PDIA4: variants seen among roughly 807,000 people sequenced by gnomAD.
PDIA4 encodes protein disulfide-isomerase A4.
PDIA4 carries 33 observed loss-of-function variants against 62.1 expected under a neutral mutation model. The observed-to-expected ratio is 0.53, with a 90% CI of 0.40 to 0.71. PDIA4 has a LOEUF of 0.71. PDIA4 is among the 30% of genes least tolerant of loss of function. The pLI is 0.00. For missense variants in PDIA4, 804 were observed against 813.6 expected, an observed-to-expected ratio of 0.99 and a Z score of 0.14; for synonymous variants, 341 against 324.1, an observed-to-expected ratio of 1.05 and a Z score of -0.56.
intron 2 of PDIA4, 152 bp downstream of exon 2, chr7:149,020,815 G>A (rs1824319005): frequency 4.6e-6 from 6 of 1,299,054 alleles, no homozygotes; most frequent in South Asian, 1.6e-5. Flanking sequence ...GTGGTAGAAC[G>A]AGTGAGCTCC....
rs1196905861 is a variant in PDIA4, at chr7:149,003,889, C to A, written c.1843G>T (p.Val615Phe). 6.2e-7 allele frequency: 1 copy of A among 1,613,110 alleles called. No individual in the cohort carries two copies. Among genetic ancestry groups the A allele is most frequent in the Non-Finnish European group, 8.5e-7 (1 of 1,179,714 alleles). The change falls in exon 10 of 10, where the codon GTT becomes TTT. Residue 615 changes from valine to phenylalanine, a missense_variant. Transcript: ENST00000652332. ...FAPSGDKKNP[V>F]KFEGGDRDLE... ...TCTCTGTCTCCACCCTCAAATTTAA[C>A]TGGGTTCTTTTTGTCCCCACTGGGG...
intron 4 of PDIA4, 22 bp from the exon 5 acceptor site, chr7:149,012,382 G>C: frequency 6.3e-7 from 1 of 1,597,888 alleles, no homozygotes; most frequent in Non-Finnish European, 8.6e-7. Flanking sequence ...AAACTGGTTT[G>C]TCAGGGGCTC....
intron 2 of PDIA4, among the ~76,000 whole-genome samples, 171 bp from the exon 3 acceptor site, chr7:149,019,368 G>A (rs986091943): frequency 1.3e-5 from 2 of 152,122 alleles, no homozygotes; most frequent in Non-Finnish European, 2.9e-5. Context: ...AAGGGTTTAG[G>A]TCTTAAGGGT....
At position 149,025,100 on chromosome 7, in the gene PDIA4, A is replaced by G. The variant is rs1824506391; in HGVS notation, c.88+3221T>C. ...AAAAAAAAAAAATATATATATATAT[A>G]TATATATGTATGTCCAGAGCCTTTC... is the stretch of plus-strand genomic sequence containing the variant. On this transcript the variant is annotated intron_variant, in intron 1 of 9. Coordinates refer to ENST00000652332, the MANE Select transcript of PDIA4 (RefSeq NM_004911.5). Among the ~76,000 whole-genome samples the G allele has an allele frequency of 1.5e-4, 19 of 124,682 alleles. 1 individual carries two copies. The Admixed American group carries it at 1.8e-3, about 12-fold the overall frequency. The allele number at this position is 124,682 out of a possible 152,430, so 81.8% of individuals were successfully genotyped here. A position where few individuals can be genotyped will look rare whatever the true frequency, so the allele number is the denominator to read the frequency against.
At chr7:149,009,738 G>A (rs1823881169) in intron 6 of PDIA4, among the ~76,000 whole-genome samples, 1 of 152,232 alleles carries the variant, frequency 6.6e-6, no homozygotes, top group Admixed American at 6.5e-5. Flanking sequence ...AAAGCAGCTG[G>A]ACAGGGTGTG....
chr7:149,016,576 T>G (rs1335609655), intron 3 of PDIA4, among the ~76,000 whole-genome samples: 5 of 151,886 alleles, frequency 3.3e-5, no homozygotes, highest in Non-Finnish European at 5.9e-5. Context: ...TGGAGTGCAG[T>G]GGCGCGATCT....
At chr7:149,012,075 C>T in intron 5 of PDIA4, 71 bp from the exon 6 acceptor site, 5 of 1,604,924 alleles carry the variant, frequency 3.1e-6, no homozygotes, top group Non-Finnish European at 2.6e-6. Flanking sequence ...TGCCTGCCAG[C>T]CCCCAGCACC....
At chr7:149,019,366 A>C (rs143365352) in intron 2 of PDIA4, among the ~76,000 whole-genome samples, 169 bp from the exon 3 acceptor site, 13 of 152,246 alleles carry the variant, frequency 8.5e-5, no homozygotes, top group African/African-American at 2.9e-4. Flanking sequence ...GGAAGGGTTT[A>C]GGTCTTAAGG....
intron 6 of PDIA4, 63 bp from the exon 7 acceptor site, chr7:149,008,373 G>T: frequency 6.6e-7 from 1 of 1,509,674 alleles, no homozygotes; most frequent in Non-Finnish European, 9.1e-7. Context: ...GATTTAATTC[G>T]TTACCCACAT....
chr7:149,005,712 C>T lies in PDIA4; in HGVS notation c.1288+185G>A, dbSNP rs73160318. The stretch of plus-strand genomic sequence containing the variant: ...TCTGCACCTGAATCTAAGCTCCCAT[C>T]CTGCTAAAAAGGGAAGCCATCAATT... On this transcript the variant is annotated intron_variant, in intron 8 of 9. Transcript: ENST00000652332. Among the ~76,000 whole-genome samples, 1,299 of 152,304 alleles carry T rather than the reference C, an allele frequency of 8.5e-3. 11 individuals are homozygous for T. The highest frequency in any genetic ancestry group is 0.011 in the Non-Finnish European group (741 of 68,022).
At chr7:149,018,454 C>CA (rs1313255913) in intron 3 of PDIA4, among the ~76,000 whole-genome samples, 1 of 151,726 alleles carries the variant, frequency 6.6e-6, no homozygotes, top group Non-Finnish European at 1.5e-5. Flanking sequence ...TTTTTTGAAA[C>CA]AGAGTCTCAT....
chr7:149,024,627 A>G (rs928482337), intron 1 of PDIA4, among the ~76,000 whole-genome samples: 1 of 151,920 alleles, frequency 6.6e-6, no homozygotes, highest in African/African-American at 2.4e-5. Context: ...CTCCTGGCCA[A>G]CATCGTGAAA....
chr7:149,003,734 C>G lies in PDIA4; in HGVS notation c.*60G>C, dbSNP rs376922766. ...TTTGTTGCCGGCCTCGGCGTGGACG[C>G]CCCGACCATGGGCCACGCAGGGCGT... On this transcript the variant is annotated 3_prime_UTR_variant, in exon 10 of 10. Transcript: ENST00000652332. The G allele has an allele frequency of 5.2e-5, 71 of 1,370,396 alleles. No homozygotes were observed. Among genetic ancestry groups the G allele is most frequent in the Admixed American group, 4.3e-4 (16 of 37,240 alleles). The allele number at this position is 1,370,396 out of a possible 1,614,324, so 84.9% of individuals were successfully genotyped here. A position where few individuals can be genotyped will look rare whatever the true frequency, so the allele number is the denominator to read the frequency against.
At chr7:149,018,925 C>G (rs901652464) in intron 3 of PDIA4, 67 bp downstream of exon 3, 5 of 1,225,824 alleles carry the variant, frequency 4.1e-6, no homozygotes, top group Non-Finnish European at 6.0e-6. Context: ...TTTTCTTCCT[C>G]TATTAGCCAA....
At chr7:149,010,672 C>T (rs1218067214) in intron 6 of PDIA4, among the ~76,000 whole-genome samples, 5 of 152,192 alleles carry the variant, frequency 3.3e-5, no homozygotes, top group Non-Finnish European at 4.4e-5. Flanking sequence ...TCTGCTCCGG[C>T]CCTGCCAACC....
Position 149,003,161 on chromosome 7 carries a change from C to A in PDIA4, c.*633G>T. On this transcript the variant is annotated 3_prime_UTR_variant, in exon 10 of 10. Coordinates refer to ENST00000652332, the MANE Select transcript of PDIA4 (RefSeq NM_004911.5). ...TCTGGGTCCAGGGTCCTTTCTGCTCCGGCACTGGGGGCTCTCAAGAGGTGG... is the reference window on the plus strand; with the variant it reads ...TCTGGGTCCAGGGTCCTTTCTGCTCAGGCACTGGGGGCTCTCAAGAGGTGG... The A allele has an allele frequency of 5.9e-6, 1 of 169,232 alleles. No homozygotes were observed. The allele number at this position is 169,232 out of a possible 1,614,324, so 10.5% of individuals were successfully genotyped here.
chr7:149,008,715 GAAAAAAAAAAA>G (rs371884233), intron 6 of PDIA4, among the ~76,000 whole-genome samples: 1 of 109,132 alleles, frequency 9.2e-6, no homozygotes, highest in Admixed American at 9.1e-5. Flanking sequence ...TCTTTAAAAA[GAAAAAAAAAAA>G]AGAAAAAGAA....
intron 7 of PDIA4, among the ~76,000 whole-genome samples, chr7:149,006,998 C>A (rs1823780715): frequency 6.6e-6 from 1 of 152,192 alleles, no homozygotes; most frequent in Admixed American, 6.5e-5. Flanking sequence ...GTGTCCGATT[C>A]TCGGGATCAA....
At chr7:149,022,394 A>G (rs943418642) in intron 1 of PDIA4, among the ~76,000 whole-genome samples, 1 of 151,818 alleles carries the variant, frequency 6.6e-6, no homozygotes, top group African/African-American at 2.4e-5. Flanking sequence ...GGTTCAACTT[A>G]TTTTATTTTA....
Sources: gnomAD v4.1 joint callset for allele counts (sites outside exome capture counted in the v4.1 genomes callset) on GRCh38, gnomAD v4.1.1 for gene constraint, MANE v1.5 for transcripts, NCBI Gene and HGNC (gene_info 2026-07-23, HGNC 2026-07-21) for gene names.